The following AMPH variants were observed in gnomAD, a reference collection of about 807,000 sequenced individuals.
AMPH encodes amphiphysin.
AMPH carries 49 observed loss-of-function variants against 99.1 expected under a neutral mutation model. The observed-to-expected ratio is 0.49, with a 90% confidence interval of 0.39 to 0.63. The LOEUF is 0.63. Ranked by LOEUF, AMPH falls within the 20% of genes least tolerant of loss-of-function variation. The pLI, the probability that AMPH is intolerant of heterozygous loss-of-function variation, is 0.00. For synonymous variants in AMPH, 314 were observed against 317.3 expected (o/e 0.99, Z 0.11); for missense variants, 759 against 863.4 (o/e 0.88, Z 1.52).
intron 1 of AMPH, among the ~76,000 whole-genome samples, chr7:38,622,564 G>C (rs995640912): frequency 1.1e-4 from 17 of 152,164 alleles, no homozygotes; most frequent in Non-Finnish European, 2.4e-4. Context: ...CTCTAGGGTA[G>C]TGTTTTTCAA....
chr7:38,503,824 T>A, intron 2 of AMPH, 120 bp from the exon 3 acceptor site: 3 of 956,560 alleles, frequency 3.1e-6, no homozygotes, highest in Non-Finnish European at 1.6e-6. Flanking sequence ...AAAACATAAA[T>A]ATGTGGACAC....
chr7:38,413,347 TA>T (rs1037776962), intron 17 of AMPH, among the ~76,000 whole-genome samples: 1 of 139,856 alleles, frequency 7.2e-6, no homozygotes, highest in Non-Finnish European at 1.5e-5. Flanking sequence ...TTCCTAAATA[TA>T]AAAAAAGCCA....
intron 12 of AMPH, among the ~76,000 whole-genome samples, chr7:38,433,505 C>G (rs998452151): frequency 2.0e-5 from 3 of 151,626 alleles, no homozygotes; most frequent in South Asian, 4.2e-4. Context: ...GCGGGCGGAT[C>G]ACGAGGTCAG....
intron 9 of AMPH, among the ~76,000 whole-genome samples, chr7:38,464,548 G>T (rs111710942): frequency 0.021 from 3,260 of 152,272 alleles, 113 homozygotes; most frequent in African/African-American, 0.075. Context: ...TCATGTGTAT[G>T]ACTATGTGTG....
At chr7:38,396,103 C>A (rs542062076) in intron 17 of AMPH, among the ~76,000 whole-genome samples, 2 of 152,310 alleles carry the variant, frequency 1.3e-5, no homozygotes, top group South Asian at 4.1e-4. Context: ...TCCAAATGTG[C>A]AATCCCTAGC....
In AMPH at chr7:38,552,086, A is replaced by G. The variant is rs895364229; in HGVS notation, c.70-17075T>C. On this transcript the variant is annotated intron_variant, in intron 1 of 20. Coordinates refer to ENST00000356264, the MANE Select transcript of AMPH (RefSeq NM_001635.4). ...AACCAGAAAACTTCATACAGACTTA[A>G]TATGCCAAGTACATTTTGAATCTCC... Among the ~76,000 whole-genome samples, 4 of 152,368 alleles carry G rather than the reference A, an allele frequency of 2.6e-5. No homozygotes were observed. The East Asian group carries it at 5.8e-4, about 22-fold the overall frequency.
intron 1 of AMPH, among the ~76,000 whole-genome samples, chr7:38,538,161 G>C (rs986096579): frequency 6.6e-6 from 1 of 152,230 alleles, no homozygotes; most frequent in East Asian, 1.9e-4. Context: ...TTCACCAATA[G>C]TTAGGGTCTC....
intron 5 of AMPH, among the ~76,000 whole-genome samples, chr7:38,490,550 T>C (rs1009407267): frequency 1.3e-5 from 2 of 152,146 alleles, no homozygotes; most frequent in African/African-American, 4.8e-5. Flanking sequence ...GCTTATATCT[T>C]AACACTTTAA....
intron 3 of AMPH, among the ~76,000 whole-genome samples, chr7:38,497,755 A>G (rs1349895170): frequency 6.6e-6 from 1 of 152,252 alleles, no homozygotes. Flanking sequence ...AAGGAAAGCA[A>G]GAGTGGGCAT....
intron 5 of AMPH, among the ~76,000 whole-genome samples, chr7:38,480,931 T>C (rs1028330138): frequency 6.6e-6 from 1 of 152,208 alleles, no homozygotes; most frequent in Non-Finnish European, 1.5e-5. Flanking sequence ...TGAATTTGAT[T>C]TTTGAAAGCA....
At chr7:38,545,124 G>A (rs1448082448) in intron 1 of AMPH, among the ~76,000 whole-genome samples, 1 of 152,164 alleles carries the variant, frequency 6.6e-6, no homozygotes, top group Non-Finnish European at 1.5e-5. Context: ...CAGCAATGTT[G>A]CCAATGCAAC....
At chr7:38,526,273 T>C (rs1409588664) in intron 2 of AMPH, among the ~76,000 whole-genome samples, 3 of 142,016 alleles carry the variant, frequency 2.1e-5, no homozygotes, top group Non-Finnish European at 4.6e-5. Context: ...GTTTCTTTTC[T>C]TTTTTTTTTT....
chr7:38,424,670 A>AT (rs1261940142), intron 15 of AMPH, among the ~76,000 whole-genome samples: 3 of 152,150 alleles, frequency 2.0e-5, no homozygotes, highest in Admixed American at 1.3e-4. Context: ...GCCATGAAAT[A>AT]TTTTTTTAAA....
At chr7:38,569,829 T>C (rs1255877008) in intron 1 of AMPH, among the ~76,000 whole-genome samples, 3 of 152,208 alleles carry the variant, frequency 2.0e-5, no homozygotes. Flanking sequence ...TTTTGAGATA[T>C]TATGTATATG....
At chr7:38,479,771 G>A (rs925297711) in intron 5 of AMPH, among the ~76,000 whole-genome samples, 3 of 151,988 alleles carry the variant, frequency 2.0e-5, no homozygotes, top group South Asian at 2.1e-4. Flanking sequence ...AAGTATCTAC[G>A]TGCCCCATAA....
intron 1 of AMPH, among the ~76,000 whole-genome samples, chr7:38,552,505 G>T (rs530702754): frequency 7.2e-5 from 11 of 152,310 alleles, no homozygotes; most frequent in African/African-American, 2.6e-4. Context: ...ATTTTACCAA[G>T]TGCAAGCTCT....
At chr7:38,486,156 T>C (rs1374458733) in intron 5 of AMPH, among the ~76,000 whole-genome samples, 2 of 106,846 alleles carry the variant, frequency 1.9e-5, no homozygotes. Context: ...AAGGTAACTA[T>C]GAGTTTTTTT....
rs554217572 is a variant in AMPH, at chr7:38,464,061, T to A, written c.750-948A>T. 9.4e-5 allele frequency: 121 copies of A among 1,289,660 alleles called. No individual in the cohort carries two copies. In the African/African-American group the frequency reaches 1.6e-3, roughly 17 times the overall value. The allele number at this position is 1,289,660 out of a possible 1,614,324, so 79.9% of individuals were successfully genotyped here. A position where few individuals can be genotyped will look rare whatever the true frequency, so the allele number is the denominator to read the frequency against. On this transcript the variant is annotated intron_variant, in intron 9 of 20. Coordinates refer to ENST00000356264, the MANE Select transcript of AMPH (RefSeq NM_001635.4). ...TGGAAACATAGCCCCAATCTAAGCT[T>A]AATAGAGATGCCACTGAGCTCACTC...
At chr7:38,476,999 A>G in intron 5 of AMPH, 30 bp from the exon 6 acceptor site, 1 of 1,597,472 alleles carries the variant, frequency 6.3e-7, no homozygotes, top group East Asian at 2.2e-5. Context: ...TCACTAAGAA[A>G]GAAGCATGGA....
Sources: gnomAD v4.1 joint callset for allele counts (sites outside exome capture counted in the v4.1 genomes callset) on GRCh38, gnomAD v4.1.1 for gene constraint, MANE v1.5 for transcripts, NCBI Gene and HGNC (gene_info 2026-07-23, HGNC 2026-07-21) for gene names.